ITGB6: variants seen among roughly 807,000 people sequenced by gnomAD.
ITGB6 encodes the protein integrin beta-6.
ITGB6 carries 80 observed loss-of-function variants against 84.5 expected under a neutral mutation model. The ratio of observed to expected loss-of-function variants is 0.95; its 90% confidence interval spans 0.79 to 1.14. ITGB6 has a LOEUF of 1.14. ITGB6 is among the 50% of genes most tolerant of loss of function. The probability of loss-of-function intolerance (pLI) is 0.00; values close to 1 mark genes in which losing one functional copy is unlikely to be tolerated. For missense variants in ITGB6, 1,006 were observed against 968.0 expected (o/e 1.04, Z -0.52); for synonymous variants, 383 against 354.9 (o/e 1.08, Z -0.89).
intron 4 of ITGB6, among the ~76,000 whole-genome samples, chr2:160,174,836 C>G (rs1182567866): frequency 6.6e-6 from 1 of 152,238 alleles, no homozygotes; most frequent in African/African-American, 2.4e-5. Context: ...CTCAACACTT[C>G]TGAGCTTTGG....
chr2:160,142,827 C>T (rs1684049815), intron 7 of ITGB6, among the ~76,000 whole-genome samples: 1 of 152,228 alleles, frequency 6.6e-6, no homozygotes, highest in Non-Finnish European at 1.5e-5. Flanking sequence ...GGGAATTTTC[C>T]AGACAGCTGG....
chr2:160,199,268 G>C lies in ITGB6; in HGVS notation c.62-10C>G, dbSNP rs768958305. 5 of 1,609,932 alleles carry C rather than the reference G, an allele frequency of 3.1e-6. No homozygotes were observed. The highest frequency in any genetic ancestry group is 2.6e-6 in the Non-Finnish European group (3 of 1,176,364). Reference sequence around the variant, plus strand: ...CCCAGGGCACAGCCACCTAGGTTTAGACCCAGCAAGATGCAGGGATTAAGT... The same window carrying C: ...CCCAGGGCACAGCCACCTAGGTTTACACCCAGCAAGATGCAGGGATTAAGT... On this transcript the variant is annotated splice_polypyrimidine_tract_variant and intron_variant, in intron 1 of 14. Transcript: ENST00000283249.
rs372144143 is a variant in ITGB6 at position 160,195,370 on chromosome 2, T to C, written c.592A>G (p.Ser198Gly). The change falls in exon 4 of 15, where the codon AGT (serine) becomes GGT (glycine). Residue 198 changes from serine (S) to glycine (G), a missense_variant and splice_region_variant. Physicochemically the swap from Ser to Gly is moderately conservative, Grantham distance 56. Coordinates refer to ENST00000283249, the MANE Select transcript of ITGB6 (RefSeq NM_000888.5). ...ATGCCAAGAGAATCATTTACTTACC[T>C]GCAAGGGTTGGCAATTTCTTCTGGT... ...TTPEEIANPCSSIPYFCLPTF... is the reference protein window; with the variant it reads ...TTPEEIANPCGSIPYFCLPTF... 15 of 1,614,114 alleles carry C rather than the reference T, an allele frequency of 9.3e-6. No homozygotes were observed. Among genetic ancestry groups the C allele is most frequent in the Non-Finnish European group, 1.3e-5 (15 of 1,179,972 alleles).
At chr2:160,181,325 A>G (rs1230711716) in intron 4 of ITGB6, among the ~76,000 whole-genome samples, 3 of 152,122 alleles carry the variant, frequency 2.0e-5, no homozygotes, top group African/African-American at 7.2e-5. Flanking sequence ...GCCATTACTG[A>G]GGGTTGAGTA....
At chr2:160,160,741 T>G (rs1407838025) in intron 7 of ITGB6, among the ~76,000 whole-genome samples, 1 of 152,182 alleles carries the variant, frequency 6.6e-6, no homozygotes, top group East Asian at 1.9e-4. Context: ...GTTAGACTCC[T>G]GCATAGTGAT....
chr2:160,137,276 C>T (rs879207712), intron 10 of ITGB6, among the ~76,000 whole-genome samples, 158 bp downstream of exon 10: 1 of 152,098 alleles, frequency 6.6e-6, no homozygotes, highest in South Asian at 2.1e-4. Context: ...AGCCAGAAAA[C>T]CTACAAGAGA....
At chr2:160,193,771 C>T (rs927158708) in intron 4 of ITGB6, among the ~76,000 whole-genome samples, 24 of 152,150 alleles carry the variant, frequency 1.6e-4, no homozygotes, top group African/African-American at 5.6e-4. Context: ...AATGGTGAAG[C>T]AGAGAGGGGG....
chr2:160,166,786 C>T (rs1685014217), intron 7 of ITGB6, among the ~76,000 whole-genome samples: 1 of 152,172 alleles, frequency 6.6e-6, no homozygotes. Flanking sequence ...CTGGGGTGCA[C>T]ACTACAGCCA....
chr2:160,145,862 G>A (rs931838584), intron 7 of ITGB6, among the ~76,000 whole-genome samples: 5 of 152,180 alleles, frequency 3.3e-5, no homozygotes, highest in Admixed American at 6.5e-5. Context: ...AGCTCCTGAT[G>A]TTACCCCCAT....
At chr2:160,186,343 C>T (rs547469991) in intron 4 of ITGB6, among the ~76,000 whole-genome samples, 44 of 150,184 alleles carry the variant, frequency 2.9e-4, no homozygotes, top group African/African-American at 8.3e-4. Context: ...GACATTTATA[C>T]GGCCAAGAAA....
At chr2:160,176,837 T>C (rs1221350383) in intron 4 of ITGB6, among the ~76,000 whole-genome samples, 2 of 152,196 alleles carry the variant, frequency 1.3e-5, no homozygotes, top group African/African-American at 4.8e-5. Context: ...AAAACATAAA[T>C]TGTAATTGTT....
intron 4 of ITGB6, among the ~76,000 whole-genome samples, chr2:160,177,673 T>C (rs1461425592): frequency 6.6e-6 from 1 of 152,224 alleles, no homozygotes; most frequent in Non-Finnish European, 1.5e-5. Context: ...TTAAAAGTTT[T>C]GATGCAGTCA....
chr2:160,106,229 T>C (rs1440243951), intron 14 of ITGB6, among the ~76,000 whole-genome samples: 2 of 152,148 alleles, frequency 1.3e-5, no homozygotes, highest in Non-Finnish European at 2.9e-5. Flanking sequence ...TTTCAGTCTT[T>C]TTATGTATTT....
At chr2:160,134,402 G>C (rs561587593) in intron 10 of ITGB6, among the ~76,000 whole-genome samples, 1 of 152,182 alleles carries the variant, frequency 6.6e-6, no homozygotes, top group Non-Finnish European at 1.5e-5. Flanking sequence ...CTGAAATTGA[G>C]GCAATAATTA....
chr2:160,140,003 G>A (rs146140490), intron 8 of ITGB6, among the ~76,000 whole-genome samples: 22 of 152,234 alleles, frequency 1.4e-4, no homozygotes, highest in African/African-American at 5.1e-4. Context: ...AACACAAATT[G>A]TCTACCTCTG....
intron 10 of ITGB6, among the ~76,000 whole-genome samples, chr2:160,135,268 A>T (rs958832272): frequency 1.3e-5 from 2 of 152,136 alleles, no homozygotes; most frequent in African/African-American, 4.8e-5. Flanking sequence ...ATAACAGACA[A>T]ACAGAGCCAA....
At chr2:160,167,401 A>G (rs1685033167) in intron 7 of ITGB6, among the ~76,000 whole-genome samples, 1 of 152,244 alleles carries the variant, frequency 6.6e-6, no homozygotes, top group Non-Finnish European at 1.5e-5. Flanking sequence ...GCCCATCAAA[A>G]TAAAAATAAA....
At chr2:160,107,923 T>C (rs1463066143) in intron 13 of ITGB6, 78 bp from the exon 14 acceptor site, 7 of 1,252,302 alleles carry the variant, frequency 5.6e-6, no homozygotes, top group Non-Finnish European at 7.8e-6. Flanking sequence ...TGTTGGATTT[T>C]CATCTACATT....
intron 2 of ITGB6, among the ~76,000 whole-genome samples, chr2:160,198,099 T>A (rs1487220422): frequency 2.0e-5 from 3 of 152,244 alleles, no homozygotes; most frequent in African/African-American, 7.2e-5. Context: ...TGTATCTCTC[T>A]GGCATGAAAC....
Sources: gnomAD v4.1 joint callset for allele counts (sites outside exome capture counted in the v4.1 genomes callset) on GRCh38, gnomAD v4.1.1 for gene constraint, MANE v1.5 for transcripts, NCBI Gene and HGNC (gene_info 2026-07-23, HGNC 2026-07-21) for gene names.